KIRREL3: variants seen among roughly 807,000 people sequenced by gnomAD.
KIRREL3 encodes kin of IRRE-like protein 3.
Under a neutral mutation model 89.7 loss-of-function variants are expected in KIRREL3, and 36 were observed. That is an observed-to-expected ratio of 0.40 (90% CI 0.31 to 0.53). KIRREL3 has a LOEUF of 0.53. KIRREL3 is among the 20% of genes least tolerant of loss of function. KIRREL3 has a pLI of 0.49. For missense variants in KIRREL3, 864 were observed against 1,056.6 expected, an observed-to-expected ratio of 0.82 and a Z score of 2.53; for synonymous variants, 445 against 441.4, an observed-to-expected ratio of 1.01 and a Z score of -0.10.
At chr11:126,626,114 T>C (rs1234850329) in intron 1 of KIRREL3, among the ~76,000 whole-genome samples, 1 of 152,082 alleles carries the variant, frequency 6.6e-6, no homozygotes, top group Non-Finnish European at 1.5e-5. Flanking sequence ...ATAGGGCAAA[T>C]AAATTGGCCC....
chr11:127,001,902 G>A (rs1054480916), upstream of KIRREL3, among the ~76,000 whole-genome samples: 1 of 151,958 alleles, frequency 6.6e-6, no homozygotes, highest in African/African-American at 2.4e-5. Flanking sequence ...GAGAAGGAGA[G>A]GTAAAGAGAG....
rs1022098294 is a variant in KIRREL3, at chr11:126,609,014, A to C, written c.56-46102T>G. On this transcript the variant is annotated intron_variant, in intron 1 of 16. Coordinates refer to ENST00000525144, the MANE Select transcript of KIRREL3 (RefSeq NM_032531.4). This position sits in a 1 kb window ranked among gnomAD's most constrained non-coding sequence, Gnocchi z 5.0. ...GAGGGGTATTTGTTGCAGAAGAGAA[A>C]TGTGATGCAATTAGTATGCTAGGAG... Among the ~76,000 whole-genome samples the C allele has an allele frequency of 2.0e-5, 3 of 152,176 alleles. No individual in the cohort carries two copies. The highest frequency in any genetic ancestry group is 7.2e-5 in the African/African-American group (3 of 41,444).
chr11:126,994,904 A>G lies in KIRREL3; in HGVS notation c.55+5551T>C, dbSNP rs1052853625. On this transcript the variant is annotated intron_variant, in intron 1 of 16. Transcript: ENST00000525144. The surrounding 1 kb of genome is among the most constrained non-coding windows in gnomAD (Gnocchi z 5.2). ...CATGAGAGAAGTATTCTGATGATCT[A>G]TAAGGTATCTATGTTCTTACTTGAC... Among the ~76,000 whole-genome samples the G allele has an allele frequency of 2.6e-5, 4 of 152,166 alleles. No individual in the cohort carries two copies. Among genetic ancestry groups the G allele is most frequent in the South Asian group, 4.1e-4 (2 of 4,826 alleles).
rs1222652523 is a variant in KIRREL3, at chr11:126,739,994, T to C, written c.56-177082A>G. On this transcript the variant is annotated intron_variant, in intron 1 of 16. Coordinates refer to ENST00000525144, the MANE Select transcript of KIRREL3 (RefSeq NM_032531.4). This position sits in a 1 kb window ranked among gnomAD's most constrained non-coding sequence, Gnocchi z 5.5. The stretch of plus-strand genomic sequence containing the variant: ...ATACAGCTGCACTCTGAATTTGTCA[T>C]GACTCACTGGAGGGTAGGGTGTATG... Among the ~76,000 whole-genome samples the C allele has an allele frequency of 6.6e-6, 1 of 152,098 alleles. No homozygotes were observed. The highest frequency in any genetic ancestry group is 2.4e-5 in the African/African-American group (1 of 41,398).
intron 1 of KIRREL3, among the ~76,000 whole-genome samples, chr11:126,613,061 GCTTT>G (rs1021725178): frequency 2.6e-5 from 4 of 152,162 alleles, no homozygotes; most frequent in African/African-American, 9.7e-5. Flanking sequence ...CCGCCAAACT[GCTTT>G]CTGAGGAGTT....
At chr11:126,502,927 T>C (rs1342135135) in intron 4 of KIRREL3, among the ~76,000 whole-genome samples, 1 of 152,086 alleles carries the variant, frequency 6.6e-6, no homozygotes, top group Non-Finnish European at 1.5e-5. Flanking sequence ...GGCAAGGAGG[T>C]GGGGTGAGCT....
At chr11:126,539,355 G>A (rs1938175872) in intron 2 of KIRREL3, among the ~76,000 whole-genome samples, 2 of 152,220 alleles carry the variant, frequency 1.3e-5, no homozygotes, top group East Asian at 1.9e-4. Context: ...GCCCTTGAAC[G>A]TGTGCCAAGA....
intron 1 of KIRREL3, among the ~76,000 whole-genome samples, chr11:126,722,018 T>C (rs1257576449): frequency 1.3e-5 from 2 of 152,222 alleles, no homozygotes; most frequent in Non-Finnish European, 2.9e-5. Flanking sequence ...CAGGACCCCT[T>C]AGCATGGCAG....
rs868853544 is a variant in KIRREL3 at position 126,979,005 on chromosome 11, A to G, written c.55+21450T>C. ...ATAATTTCAAGGGGGAGAATGGCAAATGTACAACTCTCCAACAAAACTGAA... is the reference window on the plus strand; with the variant it reads ...ATAATTTCAAGGGGGAGAATGGCAAGTGTACAACTCTCCAACAAAACTGAA... On this transcript the variant is annotated intron_variant, in intron 1 of 16. Transcript: ENST00000525144. 5.3e-5 allele frequency among the ~76,000 whole-genome samples: 8 copies of G among 152,346 alleles called. No homozygotes were observed. In the East Asian group the frequency reaches 1.4e-3, roughly 26 times the overall value.
intron 1 of KIRREL3, among the ~76,000 whole-genome samples, chr11:126,792,351 T>A (rs1052800954): frequency 5.3e-5 from 8 of 152,204 alleles, no homozygotes; most frequent in Non-Finnish European, 1.2e-4. Flanking sequence ...TAGGTCCTAT[T>A]ATTACCGTTA....
chr11:126,824,006 T>G (rs546076062), intron 1 of KIRREL3, among the ~76,000 whole-genome samples: 1 of 152,316 alleles, frequency 6.6e-6, no homozygotes, highest in East Asian at 1.9e-4. Flanking sequence ...ATCAACTTGA[T>G]GCTGATTAAA....
intron 1 of KIRREL3, among the ~76,000 whole-genome samples, chr11:126,759,004 CT>C (rs1213861911): frequency 6.6e-6 from 1 of 152,176 alleles, no homozygotes; most frequent in Non-Finnish European, 1.5e-5. Flanking sequence ...TGGTTGCTGT[CT>C]TGTGTAAGCC....
intron 1 of KIRREL3, among the ~76,000 whole-genome samples, chr11:126,921,970 T>A (rs918042459): frequency 6.3e-5 from 7 of 110,760 alleles, no homozygotes; most frequent in African/African-American, 1.0e-4. Flanking sequence ...TCTATATCTA[T>A]CTATCTATCT....
intron 1 of KIRREL3, among the ~76,000 whole-genome samples, chr11:126,646,805 T>C (rs1292449861): frequency 6.6e-6 from 1 of 152,184 alleles, no homozygotes; most frequent in Non-Finnish European, 1.5e-5. Context: ...TGATCTATGC[T>C]GTCAATTGTA....
At position 126,783,928 on chromosome 11, in the gene KIRREL3, T is replaced by G. The variant is rs556706495; in HGVS notation, c.55+216527A>C. On this transcript the variant is annotated intron_variant, in intron 1 of 16. Coordinates refer to ENST00000525144, the MANE Select transcript of KIRREL3 (RefSeq NM_032531.4). The surrounding 1 kb of genome is among the most constrained non-coding windows in gnomAD (Gnocchi z 4.3). Reference sequence around the variant, plus strand: ...TGTGCCATGTTGATAGCACACACCCTTGATAGGATACGATGGAAACAGCAC... The same window carrying G: ...TGTGCCATGTTGATAGCACACACCCGTGATAGGATACGATGGAAACAGCAC... Among the ~76,000 whole-genome samples the G allele has an allele frequency of 1.4e-3, 216 of 152,318 alleles. No homozygotes were observed. Among genetic ancestry groups the G allele is most frequent in the Non-Finnish European group, 2.5e-3 (169 of 68,030 alleles).
At chr11:126,718,787 C>T (rs1004127968) in intron 1 of KIRREL3, among the ~76,000 whole-genome samples, 6 of 152,120 alleles carry the variant, frequency 3.9e-5, no homozygotes, top group Admixed American at 1.3e-4. Context: ...ATGGGCAGAG[C>T]GGCTAGGGAT....
chr11:126,725,049 G>C (rs1267854391), intron 1 of KIRREL3, among the ~76,000 whole-genome samples: 1 of 152,212 alleles, frequency 6.6e-6, no homozygotes, highest in Non-Finnish European at 1.5e-5. Context: ...TCAAAAGCCT[G>C]TCTTCTGGTG....
At chr11:126,597,401 G>A (rs768573634) in intron 1 of KIRREL3, among the ~76,000 whole-genome samples, 1 of 152,242 alleles carries the variant, frequency 6.6e-6, no homozygotes, top group South Asian at 2.1e-4. Flanking sequence ...TTAAGTCCCC[G>A]TGGTCTTTTA....
Position 126,562,090 on chromosome 11 carries a change from T to C in KIRREL3, c.133+745A>G, listed in dbSNP as rs73015240. The stretch of plus-strand genomic sequence containing the variant: ...AAATGGCATCCCCAGCCATTGTTTA[T>C]CTACTTTTGAATCCTGACAAATAGT... On this transcript the variant is annotated intron_variant, in intron 2 of 16. Coordinates refer to ENST00000525144, the MANE Select transcript of KIRREL3 (RefSeq NM_032531.4). The surrounding 1 kb of genome is among the most constrained non-coding windows in gnomAD (Gnocchi z 4.7). 0.039 allele frequency among the ~76,000 whole-genome samples: 5,966 copies of C among 152,304 alleles called. 182 individuals are homozygous for C. The highest frequency in any genetic ancestry group is 0.064 in the Non-Finnish European group (4,335 of 68,016).
Sources: gnomAD v4.1 joint callset for allele counts (sites outside exome capture counted in the v4.1 genomes callset) on GRCh38, gnomAD v4.1.1 for gene constraint, Gnocchi (gnomAD v3.1) non-coding constraint, MANE v1.5 for transcripts, NCBI Gene and HGNC (gene_info 2026-07-23, HGNC 2026-07-21) for gene names.